Variants in UBE3C observed in about 807,000 individuals in gnomAD.
The protein encoded by UBE3C is ubiquitin-protein ligase E3C.
Under a neutral mutation model 129.4 loss-of-function variants are expected in UBE3C, and 42 were observed. That is an observed-to-expected ratio of 0.32 (90% CI 0.25 to 0.42). The LOEUF (loss-of-function observed/expected upper bound fraction) is 0.42, where lower values mean the gene tolerates loss of function less well. Ranked by LOEUF, UBE3C falls within the 10% of genes least tolerant of loss-of-function variation. The pLI is 1.00. For synonymous variants in UBE3C, 510 were observed against 492.4 expected (o/e 1.04, Z -0.47); for missense variants, 1,049 against 1,319.1 (o/e 0.80, Z 3.17).
At chr7:157,235,881 C>T (rs551607846) in intron 18 of UBE3C, among the ~76,000 whole-genome samples, 32 of 152,210 alleles carry the variant, frequency 2.1e-4, no homozygotes, top group Non-Finnish European at 3.7e-4. Context: ...AACCATTGCT[C>T]GGATCTAAGT....
At chr7:157,229,024 G>C (rs535571172) in intron 17 of UBE3C, among the ~76,000 whole-genome samples, 19 of 152,300 alleles carry the variant, frequency 1.2e-4, no homozygotes, top group African/African-American at 4.1e-4. Context: ...GGGCAGATAT[G>C]TTTGGGTGAC....
chr7:157,152,870 A>G (rs971405958), intron 1 of UBE3C, among the ~76,000 whole-genome samples: 3 of 152,074 alleles, frequency 2.0e-5, no homozygotes, highest in African/African-American at 7.2e-5. Context: ...CATCTTTTGG[A>G]ACTAATTTTT....
chr7:157,248,633 C>G (rs942486589), intron 19 of UBE3C, 53 bp downstream of exon 19: 2 of 1,567,952 alleles, frequency 1.3e-6, no homozygotes, highest in African/African-American at 1.4e-5. Context: ...AGCAGCATCT[C>G]CTTGTGTGTG....
intron 13 of UBE3C, among the ~76,000 whole-genome samples, chr7:157,211,191 A>AGAGAGAGAGAGAGAGAGAGAGAGCGC (rs1481725592): frequency 9.2e-5 from 14 of 151,584 alleles, no homozygotes; most frequent in African/African-American, 3.4e-4. Context: ...AGAGAGAGAG[A>AGAGAGAGAGAGAGAGAGAGAGAGCGC]GAGCCATACT....
intron 18 of UBE3C, among the ~76,000 whole-genome samples, chr7:157,234,692 A>G (rs549741181): frequency 6.6e-5 from 10 of 152,166 alleles, no homozygotes; most frequent in Non-Finnish European, 1.2e-4. Flanking sequence ...TGACTTCACT[A>G]CCGTAACGGT....
At chr7:157,257,853 A>G (rs750013703) in intron 22 of UBE3C, among the ~76,000 whole-genome samples, 3 of 151,530 alleles carry the variant, frequency 2.0e-5, no homozygotes, top group Non-Finnish European at 4.4e-5. Flanking sequence ...ACAGTGGTAT[A>G]TATATTATAG....
chr7:157,184,017 G>A lies in UBE3C; in HGVS notation c.1131G>A (p.Lys377=). ...DSEEESEEAD[K]PSSPEDGRLS... ...AGGAGGAGAGTGAAGAAGCCGACAA[G>A]CCCTCAAGCCCGGTAAGCCCCGTGC... Residue 377 remains lysine, a synonymous_variant, in exon 9 of 23, where the codon AAG becomes AAA. Coordinates refer to ENST00000348165, the MANE Select transcript of UBE3C (RefSeq NM_014671.3). The A allele has an allele frequency of 6.2e-7, 1 of 1,614,086 alleles. No homozygotes were observed. The highest frequency in any genetic ancestry group is 8.5e-7 in the Non-Finnish European group (1 of 1,179,994).
rs772907241 is a variant in UBE3C at position 157,269,203 on chromosome 7, ATTAG to A, written c.*1452_*1455del. ...TTTTATGTTGAATGTTCTATATCTT[ATTAG>A]TTAATTTGTATATTTTATTAGTATT... On this transcript the variant is annotated 3_prime_UTR_variant, in exon 23 of 23. Coordinates refer to ENST00000348165, the MANE Select transcript of UBE3C (RefSeq NM_014671.3). 4.6e-5 allele frequency: 7 copies of A among 152,390 alleles called. No individual in the cohort carries two copies. The highest frequency in any genetic ancestry group is 7.4e-5 in the Non-Finnish European group (5 of 68,002). The allele number at this position is 152,390 out of a possible 1,614,324, so 9.4% of individuals were successfully genotyped here.
intron 5 of UBE3C, among the ~76,000 whole-genome samples, chr7:157,177,017 T>C (rs1808536395): frequency 6.6e-6 from 1 of 152,214 alleles, no homozygotes; most frequent in African/African-American, 2.4e-5. Flanking sequence ...ACTAATCACA[T>C]ACATATTTTT....
intron 1 of UBE3C, among the ~76,000 whole-genome samples, chr7:157,142,610 G>A (rs1807485838): frequency 6.6e-6 from 1 of 152,084 alleles, no homozygotes; most frequent in African/African-American, 2.4e-5. Context: ...GGATTACATT[G>A]ATTCAAAGTC....
At chr7:157,177,485 G>A (rs762378001) in intron 5 of UBE3C, among the ~76,000 whole-genome samples, 46 of 152,212 alleles carry the variant, frequency 3.0e-4, no homozygotes, top group Non-Finnish European at 2.2e-4. Flanking sequence ...TCTCACATGG[G>A]ATTATCAGCA....
In UBE3C at chr7:157,269,010, A is replaced by G. The variant is rs1463342971; in HGVS notation, c.*1255A>G. ...TAGTTAATTGACCATAATTAGCAAT[A>G]TACTTTTAAAGTGGGAAAGCTGAAT... is the stretch of plus-strand genomic sequence containing the variant. On this transcript the variant is annotated 3_prime_UTR_variant, in exon 23 of 23. Coordinates refer to ENST00000348165, the MANE Select transcript of UBE3C (RefSeq NM_014671.3). 1.3e-5 allele frequency: 2 copies of G among 152,674 alleles called. No individual in the cohort carries two copies. The highest frequency in any genetic ancestry group is 1.9e-4 in the East Asian group (1 of 5,206). The allele number at this position is 152,674 out of a possible 1,614,324, so 9.5% of individuals were successfully genotyped here.
chr7:157,163,597 A>G (rs951841482), intron 1 of UBE3C, among the ~76,000 whole-genome samples: 1 of 152,140 alleles, frequency 6.6e-6, no homozygotes, highest in Non-Finnish European at 1.5e-5. Context: ...TGCTTAAAAA[A>G]CTACTGAAGT....
chr7:157,156,024 C>A (rs1807893121), intron 1 of UBE3C, among the ~76,000 whole-genome samples: 1 of 152,106 alleles, frequency 6.6e-6, no homozygotes, highest in Non-Finnish European at 1.5e-5. Flanking sequence ...AAATTGAAAC[C>A]AAAAACTTGT....
At chr7:157,230,581 G>T (rs536018030) in intron 17 of UBE3C, among the ~76,000 whole-genome samples, 1 of 151,662 alleles carries the variant, frequency 6.6e-6, no homozygotes, top group Non-Finnish European at 1.5e-5. Flanking sequence ...TGTAGTCTTA[G>T]CTACTTGGGA....
chr7:157,247,948 A>G (rs1182384), intron 18 of UBE3C, among the ~76,000 whole-genome samples: 75,820 of 151,968 alleles, frequency 0.5, 22,021 homozygotes, highest in Non-Finnish European at 0.64. Context: ...ATAGGGTCCA[A>G]TAGCTGCGAG....
chr7:157,183,426 C>CTT (rs1219565357), intron 8 of UBE3C, among the ~76,000 whole-genome samples: 2 of 151,150 alleles, frequency 1.3e-5, no homozygotes, highest in African/African-American at 2.4e-5. Context: ...ACTCCACACT[C>CTT]TCGGCACCTC....
Position 157,232,129 on chromosome 7 carries a change from C to T in UBE3C, c.2481+802C>T, listed in dbSNP as rs1796037649. Among the ~76,000 whole-genome samples the T allele has an allele frequency of 1.3e-5, 2 of 152,132 alleles. 1 individual carries two copies. The highest frequency in any genetic ancestry group is 4.2e-4 in the South Asian group (2 of 4,818). On this transcript the variant is annotated intron_variant, in intron 18 of 22. Transcript: ENST00000348165. ...CCTCTGTGGACTTCTCCCTGAGTGTCTCTGTCCAACATTGCCTTATTTTTT... is the reference window on the plus strand; with the variant it reads ...CCTCTGTGGACTTCTCCCTGAGTGTTTCTGTCCAACATTGCCTTATTTTTT...
chr7:157,269,321 T>C lies in UBE3C; in HGVS notation c.*1566T>C, dbSNP rs1352936559. On this transcript the variant is annotated 3_prime_UTR_variant, in exon 23 of 23. Coordinates refer to ENST00000348165, the MANE Select transcript of UBE3C (RefSeq NM_014671.3). ...CAGCTATTCTGAGCTTATTTATTTA[T>C]TTGTATGTTCTAATGGCTAAACATT... 1 of 152,348 alleles carries C rather than the reference T, an allele frequency of 6.6e-6. No individual in the cohort carries two copies. The highest frequency in any genetic ancestry group is 1.5e-5 in the Non-Finnish European group (1 of 68,040). 9.4% of individuals were successfully genotyped at this position (152,348 alleles called of 1,614,324 possible).
Sources: gnomAD v4.1 joint callset for allele counts (sites outside exome capture counted in the v4.1 genomes callset) on GRCh38, gnomAD v4.1.1 for gene constraint, MANE v1.5 for transcripts, NCBI Gene and HGNC (gene_info 2026-07-23, HGNC 2026-07-21) for gene names.